Variants in KCNG3 observed in about 807,000 individuals in gnomAD.
The protein encoded by KCNG3 is voltage-gated potassium channel regulatory subunit KCNG3.
KCNG3 carries 15 observed loss-of-function variants against 29.0 expected under a neutral mutation model. The observed-to-expected ratio is 0.52, with a 90% CI of 0.35 to 0.80. The LOEUF is 0.80. KCNG3 is among the 30% of genes least tolerant of loss of function. The pLI, the probability that KCNG3 is intolerant of heterozygous loss-of-function variation, is 0.01. For synonymous variants in KCNG3, 322 were observed against 248.9 expected (o/e 1.29, Z -2.76); for missense variants, 512 against 605.7 (o/e 0.85, Z 1.62).
the KCNG3 span, among the ~76,000 whole-genome samples, chr2:42,399,056 CTTTTTTT>C: frequency 9.3e-6 from 1 of 107,630 alleles, no homozygotes; most frequent in Non-Finnish European, 1.8e-5. Context: ...TTTTTCTTTT[CTTTTTTT>C]TTTTTTTTTT....
chr2:42,476,550 G>C (rs766256095), intron 1 of KCNG3, among the ~76,000 whole-genome samples: 1 of 151,876 alleles, frequency 6.6e-6, no homozygotes, highest in Non-Finnish European at 1.5e-5. Flanking sequence ...GCAGTGGCAC[G>C]ATCTCAGCTC....
At chr2:42,463,179 G>A in intron 1 of KCNG3, 1 of 347,084 alleles carries the variant, frequency 2.9e-6, no homozygotes. Flanking sequence ...ATGGCCACCA[G>A]CATCGACGTT....
chr2:42,485,656 G>C (rs959726198), intron 1 of KCNG3, among the ~76,000 whole-genome samples: 11 of 152,134 alleles, frequency 7.2e-5, no homozygotes, highest in Non-Finnish European at 1.0e-4. Flanking sequence ...CACCGTGTTA[G>C]CCAGGATGGT....
chr2:42,486,981 A>T (rs1673740507), intron 1 of KCNG3, among the ~76,000 whole-genome samples: 1 of 151,772 alleles, frequency 6.6e-6, no homozygotes, highest in Non-Finnish European at 1.5e-5. Context: ...ATATGGTTAA[A>T]CCCCATCTCT....
chr2:42,461,672 C>T lies in KCNG3; in HGVS notation c.666-17093G>A, dbSNP rs557765465. 7.2e-5 allele frequency among the ~76,000 whole-genome samples: 11 copies of T among 152,290 alleles called. No individual in the cohort carries two copies. In the East Asian group the frequency reaches 1.7e-3, roughly 24 times the overall value. On this transcript the variant is annotated intron_variant, in intron 1 of 1. Transcript: ENST00000306078. ...ACAATCCCTTTCTGCACCTTCACCA[C>T]CACCCCAATGTACATATATTTGCCT...
chr2:42,490,493 C>T (rs901677412), intron 1 of KCNG3, among the ~76,000 whole-genome samples: 1 of 152,170 alleles, frequency 6.6e-6, no homozygotes, highest in African/African-American at 2.4e-5. Context: ...TGCAACCTTC[C>T]AACCATGGTT....
the KCNG3 span, among the ~76,000 whole-genome samples, chr2:42,409,139 G>C: frequency 6.6e-6 from 1 of 152,208 alleles, no homozygotes; most frequent in African/African-American, 2.4e-5. Flanking sequence ...GCCCTTGGTG[G>C]TGTGGGATCC....
the KCNG3 span, among the ~76,000 whole-genome samples, chr2:42,425,548 G>C: frequency 6.6e-6 from 1 of 152,014 alleles, no homozygotes; most frequent in African/African-American, 2.4e-5. Context: ...ACTGAAAGCG[G>C]CTGGCAGGCA....
chr2:42,458,323 C>T (rs1407041493), intron 1 of KCNG3, among the ~76,000 whole-genome samples: 3 of 152,172 alleles, frequency 2.0e-5, no homozygotes, highest in Non-Finnish European at 4.4e-5. Flanking sequence ...CCTTAGCAGA[C>T]AGGAACATGC....
chr2:42,453,057 C>T (rs113258110), intron 1 of KCNG3, among the ~76,000 whole-genome samples: 2,794 of 152,342 alleles, frequency 0.018, 95 homozygotes, highest in African/African-American at 0.063. Flanking sequence ...GCTGAGATTA[C>T]AGGCGTGGGC....
intron 1 of KCNG3, among the ~76,000 whole-genome samples, chr2:42,474,373 CA>C: frequency 6.6e-6 from 1 of 151,746 alleles, no homozygotes; most frequent in Non-Finnish European, 1.5e-5. Flanking sequence ...ACTAAAAATA[CA>C]AAAATTAGCT....
At chr2:42,437,692 C>T (rs559677698), downstream of KCNG3, among the ~76,000 whole-genome samples, 7 of 152,022 alleles carry the variant, frequency 4.6e-5, no homozygotes, top group Non-Finnish European at 1.0e-4. Context: ...AATCCCAGCA[C>T]TTTGGGAGGC....
At chr2:42,413,741 C>G in the KCNG3 span, 2 of 152,832 alleles carry the variant, frequency 1.3e-5, no homozygotes, top group African/African-American at 4.8e-5. Context: ...CTTCACATGG[C>G]AGCAGCAAGG....
the KCNG3 span, among the ~76,000 whole-genome samples, chr2:42,413,343 A>T: frequency 1.3e-5 from 2 of 152,282 alleles, no homozygotes; most frequent in African/African-American, 4.8e-5. Context: ...TGCTTTTAAT[A>T]GAGGAATTTA....
the KCNG3 span, among the ~76,000 whole-genome samples, chr2:42,422,957 C>T: frequency 1.8e-3 from 279 of 152,200 alleles, no homozygotes; most frequent in African/African-American, 6.6e-3. Context: ...AGGTTACTTC[C>T]TCCACTCCCT....
intron 1 of KCNG3, among the ~76,000 whole-genome samples, chr2:42,468,744 G>A (rs1280926027): frequency 6.6e-6 from 1 of 151,766 alleles, no homozygotes; most frequent in African/African-American, 2.4e-5. Context: ...CACGAAGTCA[G>A]GAGTTCAAGA....
chr2:42,469,080 A>G (rs1460039864), intron 1 of KCNG3, among the ~76,000 whole-genome samples: 2 of 151,942 alleles, frequency 1.3e-5, no homozygotes, highest in Non-Finnish European at 2.9e-5. Flanking sequence ...TAAGCTGATT[A>G]TATTATTTCA....
In KCNG3 at chr2:42,477,380, C is replaced by CAT. The variant is rs141470417; in HGVS notation, c.665+15455_665+15456dup. Among the ~76,000 whole-genome samples, 198 of 113,274 alleles carry CAT rather than the reference C, an allele frequency of 1.7e-3. 3 individuals carry two copies. The highest frequency in any genetic ancestry group is 6.7e-3 in the African/African-American group (179 of 26,526). 74.3% of individuals were successfully genotyped at this position (113,274 alleles called of 152,430 possible). ...GTGTATATACATATATATACACACA[C>CAT]ATATATATACACACACACACACACA... is the stretch of plus-strand genomic sequence containing the variant. On this transcript the variant is annotated intron_variant, in intron 1 of 1. Transcript: ENST00000306078.
At chr2:42,486,522 G>C (rs1198857677) in intron 1 of KCNG3, among the ~76,000 whole-genome samples, 1 of 152,194 alleles carries the variant, frequency 6.6e-6, no homozygotes, top group Non-Finnish European at 1.5e-5. Flanking sequence ...ATGGCACACA[G>C]GCCCTGCCTG....
Sources: allele counts gnomAD v4.1 joint callset (sites outside exome capture counted in the v4.1 genomes callset), GRCh38; gene constraint gnomAD v4.1.1; transcripts MANE v1.5; gene names NCBI Gene and HGNC (gene_info 2026-07-23, HGNC 2026-07-21).